ZNF724: variants seen among roughly 807,000 people sequenced by gnomAD.
ZNF724 encodes the protein zinc finger protein 724 pseudogene.
A neutral mutation model predicts 29.3 loss-of-function variants in ZNF724; 14 were observed. That is an observed-to-expected ratio of 0.48 (90% confidence interval 0.32 to 0.75). The LOEUF (loss-of-function observed/expected upper bound fraction) is 0.75, where lower values mean the gene tolerates loss of function less well. ZNF724 is among the 30% of genes least tolerant of loss of function. The probability of loss-of-function intolerance (pLI) is 0.04; values close to 1 mark genes in which losing one functional copy is unlikely to be tolerated. For synonymous variants in ZNF724, 180 were observed against 193.6 expected, an observed-to-expected ratio of 0.93 and a Z score of 0.58; for missense variants, 557 against 571.2, an observed-to-expected ratio of 0.98 and a Z score of 0.25.
chr19:23,246,942 G>T (rs1333369033), intron 1 of ZNF724, among the ~76,000 whole-genome samples: 1 of 152,160 alleles, frequency 6.6e-6, no homozygotes, highest in Non-Finnish European at 1.5e-5. Context: ...ACCTGAGAAG[G>T]CTGGGCACGG....
At chr19:23,240,176 C>T (rs1298095253) in intron 1 of ZNF724, among the ~76,000 whole-genome samples, 3 of 151,354 alleles carry the variant, frequency 2.0e-5, no homozygotes, top group Admixed American at 1.3e-4. Context: ...ATTACCCAGG[C>T]GAGGTGGTGC....
chr19:23,233,810 A>T (rs1056707154), intron 1 of ZNF724, among the ~76,000 whole-genome samples: 1 of 151,502 alleles, frequency 6.6e-6, no homozygotes, highest in African/African-American at 2.4e-5. Context: ...AAAAAAAAAA[A>T]TGCCACTTTT....
Position 23,222,828 on chromosome 19 carries a change from T to G in ZNF724, c.1417A>C (p.Thr473Pro). 1 of 1,421,004 alleles carries G rather than the reference T, an allele frequency of 7.0e-7. No homozygotes were observed. The highest frequency in any genetic ancestry group is 2.3e-5 in the East Asian group (1 of 42,892). 88.0% of individuals were successfully genotyped at this position (1,421,004 alleles called of 1,614,324 possible). ...TCACATTTGTAGGGTTTCTCTCCAG[T>G]ATGAATTATCCTATGTTCAGTAAGG... ...SNLTEHRIIH[T>P]GEKPYKCEEC... Residue 473 changes from threonine (T) to proline (P), a missense_variant, in exon 4 of 4, where the codon ACT becomes CCT. Physicochemically the swap from Thr to Pro is conservative, Grantham distance 38. Transcript: ENST00000418100.
Position 23,227,212 on chromosome 19 carries a change from T to C in ZNF724, c.227-3194A>G, listed in dbSNP as rs566363663. On this transcript the variant is annotated intron_variant, in intron 3 of 3. Transcript: ENST00000418100. ...TTATAAAAACTAGAGGTAGTTTTCA[T>C]GTTTTAAATGTATGTTATTCTTATA... Among the ~76,000 whole-genome samples the C allele has an allele frequency of 5.3e-5, 8 of 152,142 alleles. No individual in the cohort carries two copies. In the South Asian group the frequency reaches 1.7e-3, roughly 32 times the overall value.
At chr19:23,244,107 TG>T (rs1054504516) in intron 1 of ZNF724, among the ~76,000 whole-genome samples, 37 of 149,796 alleles carry the variant, frequency 2.5e-4, no homozygotes, top group African/African-American at 8.7e-4. Context: ...ACTCGACGGG[TG>T]GGGGTAAGTG....
intron 3 of ZNF724, among the ~76,000 whole-genome samples, chr19:23,227,226 G>C (rs1347507444): frequency 6.6e-6 from 1 of 151,546 alleles, no homozygotes; most frequent in Non-Finnish European, 1.5e-5. Flanking sequence ...TTAAATGTAT[G>C]TTATTCTTAT....
At chr19:23,240,800 G>C (rs183837666) in intron 1 of ZNF724, among the ~76,000 whole-genome samples, 6 of 151,060 alleles carry the variant, frequency 4.0e-5, no homozygotes, top group Admixed American at 6.6e-5. Context: ...GGGAGGCCGA[G>C]GCAGGTGGAT....
chr19:23,236,649 T>TCC (rs1403064990), intron 1 of ZNF724: 1 of 152,088 alleles, frequency 6.6e-6, no homozygotes, highest in African/African-American at 2.4e-5. Context: ...CAGAAAATGT[T>TCC]CCCCTAAAAT....
rs552848770 is a variant in ZNF724, at chr19:23,246,849, A to C, written c.3+3391T>G. Among the ~76,000 whole-genome samples, 53 of 152,280 alleles carry C rather than the reference A, an allele frequency of 3.5e-4. 1 individual carries two copies. Among genetic ancestry groups the C allele is most frequent in the African/African-American group, 1.1e-3 (47 of 41,556 alleles). On this transcript the variant is annotated intron_variant, in intron 1 of 3. Coordinates refer to ENST00000418100, the MANE Select transcript of ZNF724 (RefSeq NM_001355404.2). ...TTTTCTACAGCCAAAATGGAAGAGA[A>C]ATTTTCCTTATTCTTTTCCTTGATA...
chr19:23,228,982 GA>G (rs1971888078), intron 3 of ZNF724, among the ~76,000 whole-genome samples: 1 of 151,858 alleles, frequency 6.6e-6, no homozygotes. Flanking sequence ...AGGATCACCT[GA>G]ACCTGGGAGG....
chr19:23,248,364 T>C (rs541779470), intron 1 of ZNF724, among the ~76,000 whole-genome samples: 16 of 152,284 alleles, frequency 1.1e-4, no homozygotes, highest in African/African-American at 9.6e-5. Context: ...TTGTCAGAAC[T>C]GGAAATTTAG....
At chr19:23,242,430 A>T (rs1972140523) in intron 1 of ZNF724, among the ~76,000 whole-genome samples, 6 of 151,940 alleles carry the variant, frequency 3.9e-5, no homozygotes, top group Admixed American at 3.3e-4. Flanking sequence ...AAAATACTAA[A>T]AGAAAAATTA....
At chr19:23,243,495 A>AAAT (rs1568345936) in intron 1 of ZNF724, among the ~76,000 whole-genome samples, 3 of 149,694 alleles carry the variant, frequency 2.0e-5, no homozygotes, top group African/African-American at 7.5e-5. Context: ...AAAAAAAAAA[A>AAAT]AAAAAAGGTA....
In ZNF724 at chr19:23,222,810, T is replaced by C. The variant is rs773188799; in HGVS notation, c.1435A>G (p.Lys479Glu). 3.5e-6 allele frequency: 5 copies of C among 1,423,510 alleles called. No individual in the cohort carries two copies. In the African/African-American group the frequency reaches 5.6e-5, roughly 16 times the overall value. The allele number at this position is 1,423,510 out of a possible 1,614,324, so 88.2% of individuals were successfully genotyped here. Residue 479 changes from lysine (K) to glutamate (E), a missense_variant, in exon 4 of 4, where the codon AAA (lysine) becomes GAA (glutamate). By Grantham distance (56) the Lys-to-Glu change is moderately conservative. Coordinates refer to ENST00000418100, the MANE Select transcript of ZNF724 (RefSeq NM_001355404.2). ...AAAGCTTTGCCACATTCTTCACATT[T>C]GTAGGGTTTCTCTCCAGTATGAATT... ...RIIHTGEKPY[K>E]CEECGKAFNL...
rs535373204 is a variant in ZNF724 at position 23,229,810 on chromosome 19, C to T, written c.226+1456G>A. Among the ~76,000 whole-genome samples, 16 of 47,114 alleles carry T rather than the reference C, an allele frequency of 3.4e-4. No homozygotes were observed. In the South Asian group the frequency reaches 5.4e-3, roughly 16 times the overall value. The allele number at this position is 47,114 out of a possible 152,430, so 30.9% of individuals were successfully genotyped here. A position where few individuals can be genotyped will look rare whatever the true frequency, so the allele number is the denominator to read the frequency against. On this transcript the variant is annotated intron_variant, in intron 3 of 3. Coordinates refer to ENST00000418100, the MANE Select transcript of ZNF724 (RefSeq NM_001355404.2). ...TAAAAACTTGAAGAGGTGTTTGTTT[C>T]TTGAAATTCACAGACACCAGTGCAA...
At chr19:23,249,877 G>A (rs1025865652) in intron 1 of ZNF724, among the ~76,000 whole-genome samples, 2 of 152,144 alleles carry the variant, frequency 1.3e-5, no homozygotes, top group Non-Finnish European at 2.9e-5. Flanking sequence ...TGGAAACGCA[G>A]CGGACTAAAG....
rs1351010227 is a variant in ZNF724, at chr19:23,250,261, G to C, written c.-19C>G. On this transcript the variant is annotated 5_prime_UTR_variant, in exon 1 of 4. Transcript: ENST00000418100. ...TCACCATTTCTAGGCTTCCAGGGGA[G>C]GCCCTGGCGTCTTAGCTGTGGATCT... The C allele has an allele frequency of 1.5e-6, 1 of 685,620 alleles. No individual in the cohort carries two copies. The highest frequency in any genetic ancestry group is 1.9e-5 in the Admixed American group (1 of 52,206). 42.5% of individuals were successfully genotyped at this position (685,620 alleles called of 1,614,324 possible).
chr19:23,239,276 C>T (rs1972076963), intron 1 of ZNF724, among the ~76,000 whole-genome samples: 1 of 152,236 alleles, frequency 6.6e-6, no homozygotes. Flanking sequence ...ATACATTCTT[C>T]TCATCACCAC....
intron 1 of ZNF724, among the ~76,000 whole-genome samples, chr19:23,248,985 C>CA (rs1425277555): frequency 1.3e-5 from 2 of 148,176 alleles, no homozygotes; most frequent in African/African-American, 2.5e-5. Flanking sequence ...GACTCCGTCT[C>CA]AAAAAAACAA....
Sources: allele counts gnomAD v4.1 joint callset (sites outside exome capture counted in the v4.1 genomes callset), GRCh38; gene constraint gnomAD v4.1.1; transcripts MANE v1.5; gene names NCBI Gene and HGNC (gene_info 2026-07-23, HGNC 2026-07-21).